The following SAP30BP variants were observed in gnomAD, a reference collection of about 807,000 sequenced individuals.
SAP30BP encodes SAP30 binding protein.
SAP30BP carries 31 observed loss-of-function variants against 46.3 expected under a neutral mutation model. That is an observed-to-expected ratio of 0.67 (90% confidence interval 0.50 to 0.90). The LOEUF (loss-of-function observed/expected upper bound fraction) is 0.90, where lower values mean the gene tolerates loss of function less well. SAP30BP is among the 40% of genes least tolerant of loss of function. The pLI is 0.00. For synonymous variants in SAP30BP, 169 were observed against 144.2 expected, an observed-to-expected ratio of 1.17 and a Z score of -1.23; for missense variants, 312 against 391.0, an observed-to-expected ratio of 0.80 and a Z score of 1.70.
chr17:75,706,068 A>G lies in SAP30BP; in HGVS notation c.721A>G (p.Thr241Ala). 6.2e-7 allele frequency: 1 copy of G among 1,613,252 alleles called. No individual in the cohort carries two copies. Among genetic ancestry groups the G allele is most frequent in the Non-Finnish European group, 8.5e-7 (1 of 1,179,724 alleles). ...TTTNATSTTT[T>A]TASTAVADAQ... is the part of the protein sequence containing the mutation. ...GACCAACGCCACGTCCACCACCACT[A>G]CCACTGCCAGCACAGCTGTTGCAGG... is the stretch of plus-strand genomic sequence containing the variant. The change falls in exon 10 of 11, where the codon ACC becomes GCC. Residue 241 changes from threonine to alanine, a missense_variant. By Grantham distance (58) the Thr-to-Ala change is moderately conservative. This residue lies in a region of SAP30BP where 296 missense variants were observed against 346.6 expected (regional missense o/e 0.85). Transcript: ENST00000584667. The surrounding 1 kb of genome is among the most constrained non-coding windows in gnomAD (Gnocchi z 4.6).
At chr17:75,694,492 T>G (rs2060285611) in intron 4 of SAP30BP, among the ~76,000 whole-genome samples, 2 of 152,224 alleles carry the variant, frequency 1.3e-5, no homozygotes, top group South Asian at 4.1e-4. Context: ...TTTCAGTCTT[T>G]CAAATCCTAT....
At position 75,668,524 on chromosome 17, in the gene SAP30BP, G is replaced by T; in HGVS notation, c.115G>T (p.Gly39Cys). The T allele has an allele frequency of 6.4e-7, 1 of 1,561,440 alleles. No homozygotes were observed. The highest frequency in any genetic ancestry group is 8.6e-7 in the Non-Finnish European group (1 of 1,156,114). ...GTTTTTTAACCTTTCAGAGGAGAAAGGCGGATTGGTATCTGATGCCTATGG... is the reference window on the plus strand; with the variant it reads ...GTTTTTTAACCTTTCAGAGGAGAAATGCGGATTGGTATCTGATGCCTATGG... ...EAVGSAAEEK[G>C]GLVSDAYGED... The change falls in exon 2 of 11, where the codon GGC (glycine) becomes TGC (cysteine). Residue 39 changes from glycine (G) to cysteine (C), a missense_variant. Gly to Cys is a radical substitution (Grantham distance 159). Around this residue, in one of 2 missense-constraint regions of SAP30BP, gnomAD observed 296 missense variants for 346.6 expected, o/e 0.85. Coordinates refer to ENST00000584667, the MANE Select transcript of SAP30BP (RefSeq NM_013260.8).
intron 3 of SAP30BP, among the ~76,000 whole-genome samples, chr17:75,689,307 A>G (rs1300591884): frequency 1.3e-5 from 2 of 151,634 alleles, no homozygotes; most frequent in Admixed American, 6.6e-5. Context: ...AGTGGAGAGG[A>G]GGTTTTACCA....
chr17:75,702,252 T>C (rs1381007891), intron 5 of SAP30BP, among the ~76,000 whole-genome samples: 2 of 152,138 alleles, frequency 1.3e-5, no homozygotes, highest in Non-Finnish European at 1.5e-5. Flanking sequence ...TCTCAATCTC[T>C]GGACCTCGTG....
At chr17:75,694,755 G>A (rs1003382705) in intron 4 of SAP30BP, among the ~76,000 whole-genome samples, 1 of 152,262 alleles carries the variant, frequency 6.6e-6, no homozygotes, top group Non-Finnish European at 1.5e-5. Context: ...AGCCTGTCAC[G>A]TGCCAACGCA....
At chr17:75,703,718 C>G in intron 7 of SAP30BP, 90 bp from the exon 8 acceptor site, 6 of 1,212,648 alleles carry the variant, frequency 4.9e-6, no homozygotes, top group Non-Finnish European at 7.4e-6. Flanking sequence ...AAGGGGACCC[C>G]AGACCAAGAA....
chr17:75,681,461 C>G (rs908955063), intron 3 of SAP30BP, among the ~76,000 whole-genome samples: 1 of 152,206 alleles, frequency 6.6e-6, no homozygotes, highest in African/African-American at 2.4e-5. Context: ...TTGGGCAGAG[C>G]TGACTCGGTA....
intron 3 of SAP30BP, among the ~76,000 whole-genome samples, chr17:75,686,556 C>T (rs1192907233): frequency 1.3e-5 from 2 of 152,074 alleles, no homozygotes; most frequent in Non-Finnish European, 2.9e-5. Context: ...AAGAAACCTT[C>T]TGTGGTTGGG....
intron 4 of SAP30BP, among the ~76,000 whole-genome samples, chr17:75,695,548 GT>G (rs1241653271): frequency 2.6e-5 from 4 of 152,164 alleles, no homozygotes; most frequent in Non-Finnish European, 5.9e-5. Context: ...AAGCGGCATC[GT>G]TTTGATTACT....
intron 3 of SAP30BP, among the ~76,000 whole-genome samples, chr17:75,678,991 GTTT>G (rs1008252984): frequency 1.5e-5 from 2 of 134,432 alleles, no homozygotes; most frequent in Admixed American, 7.5e-5. Context: ...TTTCAGGCAA[GTTT>G]TTTTTTTTTT....
In SAP30BP at chr17:75,697,155, C is replaced by T. The variant is rs553382879; in HGVS notation, c.308-2628C>T. ...GGCAACAGGGTCACACCCTGTTTTT[C>T]CAAAGGCTTTCCTGGCAAATGCCAA... is the stretch of plus-strand genomic sequence containing the variant. On this transcript the variant is annotated intron_variant, in intron 4 of 10. Transcript: ENST00000584667. Among the ~76,000 whole-genome samples the T allele has an allele frequency of 5.7e-3, 868 of 152,268 alleles. 5 individuals are homozygous for T. The highest frequency in any genetic ancestry group is 0.01 in the Middle Eastern group (3 of 294).
chr17:75,677,279 GT>G (rs1568302521), intron 3 of SAP30BP, among the ~76,000 whole-genome samples: 1 of 151,084 alleles, frequency 6.6e-6, no homozygotes, highest in Non-Finnish European at 1.5e-5. Context: ...TAATTTTTGT[GT>G]TTTTAGTAGA....
At chr17:75,668,665 A>G (rs369897790) in intron 2 of SAP30BP, 40 bp downstream of exon 2, 18 of 1,341,534 alleles carry the variant, frequency 1.3e-5, no homozygotes, top group Admixed American at 1.9e-5. Flanking sequence ...TGAAAGCACA[A>G]TTTCATTTGT....
chr17:75,703,292 G>C lies in SAP30BP; in HGVS notation c.489-19G>C. 6.2e-7 allele frequency: 1 copy of C among 1,613,690 alleles called. No individual in the cohort carries two copies. Among genetic ancestry groups the C allele is most frequent in the African/African-American group, 1.3e-5 (1 of 75,050 alleles). On this transcript the variant is annotated intron_variant, in intron 6 of 10. Transcript: ENST00000584667. ...GGACGTGGACTTGTGCCTGCTCAGC[G>C]CCGGCACTGTTCTTTCAGCATCTAC...
intron 3 of SAP30BP, among the ~76,000 whole-genome samples, chr17:75,688,555 G>A (rs933150644): frequency 1.3e-5 from 2 of 152,002 alleles, no homozygotes; most frequent in African/African-American, 4.8e-5. Flanking sequence ...TCTAGATGCT[G>A]GCGGCTGCCT....
chr17:75,699,890 T>A lies in SAP30BP; in HGVS notation c.396+19T>A, dbSNP rs2060381355. On this transcript the variant is annotated intron_variant, in intron 5 of 10. Transcript: ENST00000584667. ...CTTGCAAGTAAGCATGAGACTCGGC[T>A]ACTGAGGTCGGATAGATTAGATAGC... The A allele has an allele frequency of 6.3e-7, 1 of 1,578,120 alleles. No homozygotes were observed. The highest frequency in any genetic ancestry group is 1.7e-5 in the Admixed American group (1 of 59,908).
At position 75,706,563 on chromosome 17, in the gene SAP30BP, A is replaced by C; in HGVS notation, c.*42A>C. On this transcript the variant is annotated 3_prime_UTR_variant, in exon 11 of 11. Coordinates refer to ENST00000584667, the MANE Select transcript of SAP30BP (RefSeq NM_013260.8). The surrounding 1 kb of genome is among the most constrained non-coding windows in gnomAD (Gnocchi z 4.6). ...AGGACTTGAAAGGACCGTGCAGCCC[A>C]GTGACCACTGCCCAGTGGGAGGCGC... 1 of 1,579,874 alleles carries C rather than the reference A, an allele frequency of 6.3e-7. No individual in the cohort carries two copies. Among genetic ancestry groups the C allele is most frequent in the Non-Finnish European group, 8.7e-7 (1 of 1,152,210 alleles).
At chr17:75,674,690 G>GTTTGTTTT (rs2059958498) in intron 3 of SAP30BP, among the ~76,000 whole-genome samples, 5 of 39,574 alleles carry the variant, frequency 1.3e-4, no homozygotes, top group African/African-American at 2.0e-4. Flanking sequence ...TTTTTTGTTT[G>GTTTGTTTT]TTTTTTGTTT....
chr17:75,675,004 A>C (rs997608035), intron 3 of SAP30BP, among the ~76,000 whole-genome samples: 1 of 152,138 alleles, frequency 6.6e-6, no homozygotes, highest in Non-Finnish European at 1.5e-5. Flanking sequence ...GGCCCAGTGC[A>C]CATGAACATA....
Sources: gnomAD v4.1 joint callset for allele counts (sites outside exome capture counted in the v4.1 genomes callset) on GRCh38, gnomAD v4.1.1 for gene constraint, gnomAD v4.1.1 regional missense constraint, Gnocchi (gnomAD v3.1) non-coding constraint, MANE v1.5 for transcripts, NCBI Gene and HGNC (gene_info 2026-07-23, HGNC 2026-07-21) for gene names.